Variants in CXADR observed in about 807,000 individuals in gnomAD.
CXADR encodes CXADR cell adhesion molecule.
A neutral mutation model predicts 40.3 loss-of-function variants in CXADR; 20 were observed. That is an observed-to-expected ratio of 0.50 (90% CI 0.35 to 0.72). CXADR has a LOEUF of 0.72. CXADR is among the 30% of genes least tolerant of loss of function. The pLI, the probability that CXADR is intolerant of heterozygous loss-of-function variation, is 0.01. For synonymous variants in CXADR, 150 were observed against 161.3 expected (o/e 0.93, Z 0.53); for missense variants, 332 against 449.1 (o/e 0.74, Z 2.36).
At chr21:17,530,641 C>G (rs374128412) in intron 1 of CXADR, among the ~76,000 whole-genome samples, 2 of 151,542 alleles carry the variant, frequency 1.3e-5, no homozygotes, top group South Asian at 4.2e-4. Flanking sequence ...TGGTGAAACC[C>G]CTTCTCTACT....
chr21:17,565,679 G>A lies in CXADR; in HGVS notation c.1085G>A (p.Gly362Glu). 6.2e-7 allele frequency: 1 copy of A among 1,611,822 alleles called. No homozygotes were observed. Among genetic ancestry groups the A allele is most frequent in the Non-Finnish European group, 8.5e-7 (1 of 1,179,806 alleles). Residue 362 changes from glycine to glutamate, a missense_variant, in exon 7 of 7, where the codon GGG (glycine) becomes GAG (glutamate). Physicochemically the swap from Gly to Glu is moderately conservative, Grantham distance 98. Around this residue, in one of 3 missense-constraint regions of CXADR, gnomAD observed 150 missense variants for 194.2 expected, o/e 0.77. Transcript: ENST00000284878. ...ATGATTCCAGCACAGAGCAAGGATG[G>A]GTCTATAGTATAGAGCCTCCATATG... The part of the protein sequence containing the change: ...PVMIPAQSKD[G>E]SIV
At chr21:17,632,520 A>G in the CXADR span, among the ~76,000 whole-genome samples, 2 of 152,218 alleles carry the variant, frequency 1.3e-5, no homozygotes, top group African/African-American at 4.8e-5. Flanking sequence ...AAAGCGCGAC[A>G]TTTAGGAGAC....
intron 1 of CXADR, among the ~76,000 whole-genome samples, chr21:17,545,219 A>G (rs945405346): frequency 3.3e-4 from 50 of 151,594 alleles, no homozygotes; most frequent in African/African-American, 1.0e-3. Flanking sequence ...GAGTCAGGTG[A>G]CATAGGTCCA....
chr21:17,620,537 GAC>G, the CXADR span, among the ~76,000 whole-genome samples: 1 of 152,074 alleles, frequency 6.6e-6, no homozygotes, highest in Non-Finnish European at 1.5e-5. Context: ...ACCAAAATGT[GAC>G]ACAGAGACAC....
At chr21:17,632,674 T>C in the CXADR span, among the ~76,000 whole-genome samples, 1 of 151,580 alleles carries the variant, frequency 6.6e-6, no homozygotes, top group Non-Finnish European at 1.5e-5. Context: ...GAGACCATCC[T>C]GGCTAACACG....
At chr21:17,524,190 G>A (rs2060567525) in intron 1 of CXADR, among the ~76,000 whole-genome samples, 1 of 151,892 alleles carries the variant, frequency 6.6e-6, no homozygotes. Context: ...CACTGTGCCT[G>A]GCCTACATTG....
chr21:17,604,764 G>A, the CXADR span: 184 of 1,397,416 alleles, frequency 1.3e-4, 1 homozygote, highest in Non-Finnish European at 7.2e-5. Context: ...ACCAGCTCCT[G>A]GCCATAAAGA....
chr21:17,587,423 A>G (rs553114757), intron 7 of CXADR, among the ~76,000 whole-genome samples: 128 of 152,268 alleles, frequency 8.4e-4, no homozygotes, highest in African/African-American at 3.0e-3. Context: ...TTTTTAAATG[A>G]TCGCCATTCT....
intron 1 of CXADR, among the ~76,000 whole-genome samples, chr21:17,529,692 G>T (rs1420591119): frequency 1.3e-5 from 2 of 152,136 alleles, no homozygotes; most frequent in African/African-American, 4.8e-5. Flanking sequence ...ATTTGAATTT[G>T]CTTTTTTGTT....
intron 1 of CXADR, chr21:17,518,999 T>C: frequency 6.2e-7 from 1 of 1,606,464 alleles, no homozygotes; most frequent in Non-Finnish European, 8.5e-7. Context: ...TTCATGCTGT[T>C]GGTAAATCTG....
intron 1 of CXADR, among the ~76,000 whole-genome samples, chr21:17,517,080 A>G (rs977576057): frequency 2.0e-5 from 3 of 152,152 alleles, no homozygotes; most frequent in African/African-American, 7.2e-5. Context: ...TCAGATATCA[A>G]ATAAAGGTAC....
the CXADR span, chr21:17,609,258 A>T: frequency 1.8e-6 from 2 of 1,082,402 alleles, no homozygotes; most frequent in Non-Finnish European, 2.6e-6. Flanking sequence ...CCTCCTTCCA[A>T]TTTTATCTTG....
chr21:17,566,169 T>C lies in CXADR; in HGVS notation c.*477T>C. Reference sequence around the variant, plus strand: ...AATATCCATGACAAAATTACTTACGTATGTTTGTACTTGGTTTTACAGCTC... The same window carrying C: ...AATATCCATGACAAAATTACTTACGCATGTTTGTACTTGGTTTTACAGCTC... On this transcript the variant is annotated 3_prime_UTR_variant, in exon 7 of 7. Coordinates refer to ENST00000284878, the MANE Select transcript of CXADR (RefSeq NM_001338.5). 1 of 984,986 alleles carries C rather than the reference T, an allele frequency of 1.0e-6. No homozygotes were observed. The highest frequency in any genetic ancestry group is 1.2e-6 in the Non-Finnish European group (1 of 829,454). The allele number at this position is 984,986 out of a possible 1,614,324, so 61.0% of individuals were successfully genotyped here.
rs185339501 is a variant in CXADR at position 17,587,424 on chromosome 21, T to G, written c.1018-5728T>G. ...TGTTGTTTCCTGACTTTTTAAATGA[T>G]CGCCATTCTAACTGGTGTGAGATGG... On this transcript the variant is annotated intron_variant, in intron 7 of 7. Transcript: ENST00000400169. Among the ~76,000 whole-genome samples, 962 of 152,320 alleles carry G rather than the reference T, an allele frequency of 6.3e-3. 58 individuals carry two copies. The East Asian group carries it at 0.13, about 21-fold the overall frequency.
chr21:17,536,708 G>T (rs939021083), intron 1 of CXADR, among the ~76,000 whole-genome samples: 1 of 152,162 alleles, frequency 6.6e-6, no homozygotes, highest in Non-Finnish European at 1.5e-5. Flanking sequence ...AACACTGCCT[G>T]TGGGGATCAG....
rs1455135369 is a variant in CXADR, at chr21:17,567,168, C to G, written c.*1476C>G. On this transcript the variant is annotated 3_prime_UTR_variant, in exon 7 of 7. Coordinates refer to ENST00000284878, the MANE Select transcript of CXADR (RefSeq NM_001338.5). The stretch of plus-strand genomic sequence containing the variant: ...TATTTCACTAGCTCTAAAACCTTTC[C>G]CTAGATTTTAGTAGGGAGTTGGTTT... The G allele has an allele frequency of 7.8e-5, 77 of 984,770 alleles. No homozygotes were observed. Among genetic ancestry groups the G allele is most frequent in the Non-Finnish European group, 6.9e-5 (57 of 829,564 alleles). The allele number at this position is 984,770 out of a possible 1,614,324, so 61.0% of individuals were successfully genotyped here. A position where few individuals can be genotyped will look rare whatever the true frequency, so the allele number is the denominator to read the frequency against.
chr21:17,591,387 T>C (rs528236965), intron 7 of CXADR, among the ~76,000 whole-genome samples: 2 of 152,066 alleles, frequency 1.3e-5, no homozygotes, highest in Middle Eastern at 3.2e-3. Flanking sequence ...CACAATAAAC[T>C]GTACATGGTA....
chr21:17,532,123 G>A (rs565565955), intron 1 of CXADR, among the ~76,000 whole-genome samples: 2 of 151,818 alleles, frequency 1.3e-5, no homozygotes, highest in East Asian at 1.9e-4. Flanking sequence ...TTTAGAGATG[G>A]TGCCTTCCTA....
intron 7 of CXADR, among the ~76,000 whole-genome samples, chr21:17,585,408 C>T (rs1386073396): frequency 6.6e-6 from 1 of 152,134 alleles, no homozygotes; most frequent in African/African-American, 2.4e-5. Context: ...GAACATATTT[C>T]ATATCATAAT....
Sources: gnomAD v4.1 joint callset for allele counts (sites outside exome capture counted in the v4.1 genomes callset) on GRCh38, gnomAD v4.1.1 for gene constraint, gnomAD v4.1.1 regional missense constraint, MANE v1.5 for transcripts, NCBI Gene and HGNC (gene_info 2026-07-23, HGNC 2026-07-21) for gene names.